Variants in PIK3R6 observed in about 807,000 individuals in gnomAD.
The protein encoded by PIK3R6 is phosphoinositide 3-kinase regulatory subunit 6.
In PIK3R6, 91 loss-of-function variants were observed where a neutral mutation model predicts 84.9. The observed-to-expected ratio is 1.07, with a 90% CI of 0.90 to 1.28. PIK3R6 has a LOEUF of 1.28. PIK3R6 is among the 50% of genes most tolerant of loss of function. PIK3R6 has a pLI of 0.00. For missense variants in PIK3R6, 996 were observed against 985.1 expected, an observed-to-expected ratio of 1.01 and a Z score of -0.15; for synonymous variants, 416 against 411.4, an observed-to-expected ratio of 1.01 and a Z score of -0.13.
intron 17 of PIK3R6, among the ~76,000 whole-genome samples, chr17:8,820,662 C>T (rs2087705316): frequency 6.6e-6 from 1 of 152,250 alleles, no homozygotes; most frequent in African/African-American, 2.4e-5. Context: ...ACAAATTCAA[C>T]TTGCCTGGAA....
At position 8,835,456 on chromosome 17, in the gene PIK3R6, T is replaced by A. The variant is rs2088424265; in HGVS notation, c.462A>T (p.Arg154Ser). 2 of 1,553,124 alleles carry A rather than the reference T, an allele frequency of 1.3e-6. No homozygotes were observed. The highest frequency in any genetic ancestry group is 3.5e-4 in the Middle Eastern group (2 of 5,768). The change falls in exon 8 of 20, where the codon AGA becomes AGT. Residue 154 changes from arginine to serine, a missense_variant and splice_region_variant. Transcript: ENST00000619866. ...LTNELYPYQE[R>S]VFLFVDPELV... ...GCTCAGGATCCACGAAGAGGAACAC[T>A]CTGAGGGCAGAAGCAGAGGGGAGAG...
Position 8,827,205 on chromosome 17 carries a change from C to G in PIK3R6, c.1482G>C (p.Thr494=). 6.2e-7 allele frequency: 1 copy of G among 1,611,608 alleles called. No individual in the cohort carries two copies. The highest frequency in any genetic ancestry group is 8.5e-7 in the Non-Finnish European group (1 of 1,179,042). Residue 494 remains threonine, a synonymous_variant, in exon 13 of 20, where the codon ACG becomes ACC. Transcript: ENST00000619866. ...VDPWYQSNVN[T]LCPAIHKLAE... ...CCAGCTTGTGGATGGCGGGGCACAG[C>G]GTGTTGACGTTGCTCTGGTACCACG...
chr17:8,852,541 C>T (rs141835788), intron 1 of PIK3R6, among the ~76,000 whole-genome samples: 220 of 152,056 alleles, frequency 1.4e-3, no homozygotes, highest in Admixed American at 2.3e-3. Context: ...AGTTCGAGAC[C>T]AGCCTGACCA....
chr17:8,864,381 C>T (rs1360245109), intron 1 of PIK3R6, among the ~76,000 whole-genome samples: 1 of 151,952 alleles, frequency 6.6e-6, no homozygotes, highest in Non-Finnish European at 1.5e-5. Flanking sequence ...CCTAGTTGTG[C>T]TGTGAGTAAT....
At position 8,819,687 on chromosome 17, in the gene PIK3R6, TATACAC is replaced by T. The variant is rs1422519577; in HGVS notation, c.1880-495_1880-490del. 1.4e-3 allele frequency among the ~76,000 whole-genome samples: 201 copies of T among 140,862 alleles called. 2 individuals carry two copies. The highest frequency in any genetic ancestry group is 5.2e-3 in the African/African-American group (192 of 37,070). 92.4% of individuals were successfully genotyped at this position (140,862 alleles called of 152,430 possible). ...TTTTTTGTGCATATATATATATATA[TATACAC>T]ACACACACACACACATATATATACA... On this transcript the variant is annotated intron_variant, in intron 17 of 19. Coordinates refer to ENST00000619866, the MANE Select transcript of PIK3R6 (RefSeq NM_001010855.4).
rs1225990812 is a variant in PIK3R6 at position 8,855,226 on chromosome 17, A to AACAAAACAAC, written c.-91-5342_-91-5341insGTTGTTTTGT. 6.6e-4 allele frequency among the ~76,000 whole-genome samples: 83 copies of AACAAAACAAC among 126,646 alleles called. 1 individual carries two copies. The highest frequency in any genetic ancestry group is 4.4e-5 in the Non-Finnish European group (3 of 67,728). 83.1% of individuals were successfully genotyped at this position (126,646 alleles called of 152,430 possible). On this transcript the variant is annotated intron_variant, in intron 1 of 19. Coordinates refer to ENST00000619866, the MANE Select transcript of PIK3R6 (RefSeq NM_001010855.4). Reference sequence around the variant, plus strand: ...AACAAAACAAAACAAAACAAAACAAAACAACAATAAAATAAAATAAAATAA... The same window carrying AACAAAACAAC: ...AACAAAACAAAACAAAACAAAACAAAACAAAACAACACAACAATAAAATAAAATAAAATAA...
At position 8,836,836 on chromosome 17, in the gene PIK3R6, C is replaced by A; in HGVS notation, c.346G>T (p.Ala116Ser). The A allele has an allele frequency of 6.3e-7, 1 of 1,596,748 alleles. No homozygotes were observed. Among genetic ancestry groups the A allele is most frequent in the Non-Finnish European group, 8.5e-7 (1 of 1,171,464 alleles). The part of the protein sequence containing the change: ...LTLPTPYCTV[A>S]LDCAIRLKTE... ...TTCAGCCTTATCGCGCAGTCCAAGGCGACTGTGCAGTAGGGGGTGGGCAGG... is the reference window on the plus strand; with the variant it reads ...TTCAGCCTTATCGCGCAGTCCAAGGAGACTGTGCAGTAGGGGGTGGGCAGG... The change falls in exon 6 of 20, where the codon GCC becomes TCC. Residue 116 changes from alanine to serine, a missense_variant. Ala to Ser is a moderately conservative substitution (Grantham distance 99, BLOSUM62 1). Coordinates refer to ENST00000619866, the MANE Select transcript of PIK3R6 (RefSeq NM_001010855.4).
At position 8,838,563 on chromosome 17, in the gene PIK3R6, C is replaced by A. The variant is rs2088561926; in HGVS notation, c.189+1G>T. 6.3e-7 allele frequency: 1 copy of A among 1,595,336 alleles called. No individual in the cohort carries two copies. Reference sequence around the variant, plus strand: ...TTCCTCCCTGAGGTCCAGGAACTCACCTTCTCCAGTTCTCTGAGAAGAATG... The same window carrying A: ...TTCCTCCCTGAGGTCCAGGAACTCAACTTCTCCAGTTCTCTGAGAAGAATG... On this transcript the variant is annotated splice_donor_variant, in intron 4 of 19. Coordinates refer to ENST00000619866, the MANE Select transcript of PIK3R6 (RefSeq NM_001010855.4). LOFTEE classifies it high-confidence loss of function.
chr17:8,823,333 G>T, intron 14 of PIK3R6, 54 bp downstream of exon 14: 1 of 1,322,252 alleles, frequency 7.6e-7, no homozygotes, highest in Non-Finnish European at 1.1e-6. Context: ...CAGAGCCTGG[G>T]TATTTAATCG....
chr17:8,802,888 T>C lies in PIK3R6; in HGVS notation c.*385A>G. The C allele has an allele frequency of 5.4e-6, 1 of 186,092 alleles. No homozygotes were observed. Among genetic ancestry groups the C allele is most frequent in the Non-Finnish European group, 1.1e-5 (1 of 88,758 alleles). The allele number at this position is 186,092 out of a possible 1,614,324, so 11.5% of individuals were successfully genotyped here. A position where few individuals can be genotyped will look rare whatever the true frequency, so the allele number is the denominator to read the frequency against. ...GCTGTTGCTGTTCCTTGCTTCCAAT[T>C]TTCCCCTAGGCCACAGGGCTCTGGC... On this transcript the variant is annotated 3_prime_UTR_variant, in exon 20 of 20. Coordinates refer to ENST00000619866, the MANE Select transcript of PIK3R6 (RefSeq NM_001010855.4).
intron 1 of PIK3R6, among the ~76,000 whole-genome samples, chr17:8,857,855 G>A (rs1307970330): frequency 2.0e-5 from 3 of 150,074 alleles, no homozygotes; most frequent in Non-Finnish European, 2.9e-5. Context: ...AGCTGCAATC[G>A]TGCCACTGCA....
intron 1 of PIK3R6, among the ~76,000 whole-genome samples, chr17:8,852,609 T>G (rs528701334): frequency 1.1e-3 from 170 of 151,910 alleles, no homozygotes; most frequent in Middle Eastern, 0.01. Flanking sequence ...TGTGGTGGCG[T>G]GTGCCTGTAA....
chr17:8,833,048 G>A lies in PIK3R6; in HGVS notation c.646-3C>T. 1.9e-6 allele frequency: 3 copies of A among 1,577,428 alleles called. No homozygotes were observed. The highest frequency in any genetic ancestry group is 1.1e-5 in the South Asian group (1 of 87,970). The stretch of plus-strand genomic sequence containing the variant: ...TCCAGGGTGCGGCGAGGGCTGGCCT[G>A]TTGGGGAGGGGCGTCAGAGCCTGGG... On this transcript the variant is annotated splice_region_variant and splice_polypyrimidine_tract_variant and intron_variant, in intron 8 of 19. Coordinates refer to ENST00000619866, the MANE Select transcript of PIK3R6 (RefSeq NM_001010855.4).
intron 18 of PIK3R6, among the ~76,000 whole-genome samples, chr17:8,806,113 G>T (rs1030878283): frequency 6.6e-6 from 1 of 152,180 alleles, no homozygotes; most frequent in Admixed American, 6.5e-5. Context: ...GACTGCAGGG[G>T]GCTGAAGTCC....
chr17:8,838,934 T>G (rs929383757), intron 3 of PIK3R6, among the ~76,000 whole-genome samples: 1 of 152,158 alleles, frequency 6.6e-6, no homozygotes, highest in Non-Finnish European at 1.5e-5. Flanking sequence ...TGTATGCGTG[T>G]GGACCACAGA....
At chr17:8,813,106 A>T (rs2087408238) in intron 18 of PIK3R6, among the ~76,000 whole-genome samples, 1 of 152,200 alleles carries the variant, frequency 6.6e-6, no homozygotes, top group Non-Finnish European at 1.5e-5. Context: ...TCAGAGACCT[A>T]TAAGCATCTC....
intron 8 of PIK3R6, 149 bp from the exon 9 acceptor site, chr17:8,833,194 G>T (rs906559445): frequency 1.0e-5 from 12 of 1,174,262 alleles, no homozygotes; most frequent in Non-Finnish European, 1.4e-5. Flanking sequence ...GAAGGCTTCT[G>T]GATCCCACAT....
intron 18 of PIK3R6, among the ~76,000 whole-genome samples, chr17:8,808,779 G>T (rs1275708048): frequency 1.3e-5 from 2 of 152,128 alleles, no homozygotes; most frequent in African/African-American, 4.8e-5. Flanking sequence ...AGAAATTGAG[G>T]ACAGTAGCTA....
intron 1 of PIK3R6, among the ~76,000 whole-genome samples, chr17:8,851,736 A>G (rs2088976617): frequency 6.6e-6 from 1 of 152,218 alleles, no homozygotes; most frequent in Non-Finnish European, 1.5e-5. Flanking sequence ...TAGAATTATC[A>G]CATGATCTAA....
Sources: gnomAD v4.1 joint callset for allele counts (sites outside exome capture counted in the v4.1 genomes callset) on GRCh38, gnomAD v4.1.1 for gene constraint, MANE v1.5 for transcripts, NCBI Gene and HGNC (gene_info 2026-07-23, HGNC 2026-07-21) for gene names.